The following RALGAPA2 variants were observed in gnomAD, a reference collection of about 807,000 sequenced individuals.
RALGAPA2 encodes the protein Ral GTPase activating protein catalytic subunit alpha 2.
Under a neutral mutation model 230.4 loss-of-function variants are expected in RALGAPA2, and 139 were observed. The observed-to-expected ratio is 0.60, with a 90% CI of 0.53 to 0.69. The LOEUF (loss-of-function observed/expected upper bound fraction) is 0.69, where lower values mean the gene tolerates loss of function less well. RALGAPA2 is among the 30% of genes least tolerant of loss of function. The pLI, the probability that RALGAPA2 is intolerant of heterozygous loss-of-function variation, is 0.00. For missense variants in RALGAPA2, 2,163 were observed against 2,276.0 expected (o/e 0.95, Z 1.01); for synonymous variants, 847 against 837.8 (o/e 1.01, Z -0.19).
At position 20,625,174 on chromosome 20, in the gene RALGAPA2, G is replaced by T. The variant is rs191054495; in HGVS notation, c.1233+4189C>A. The stretch of plus-strand genomic sequence containing the variant: ...TTCTACACCTGCCTGCCAGTTTGCT[G>T]ATGTCTATCAGTTCACCTGTACACC... On this transcript the variant is annotated intron_variant, in intron 10 of 39. Coordinates refer to ENST00000202677, the MANE Select transcript of RALGAPA2 (RefSeq NM_020343.4). Among the ~76,000 whole-genome samples, 361 of 152,210 alleles carry T rather than the reference G, an allele frequency of 2.4e-3. 1 individual carries two copies. The highest frequency in any genetic ancestry group is 8.2e-3 in the African/African-American group (339 of 41,520).
intron 36 of RALGAPA2, among the ~76,000 whole-genome samples, chr20:20,479,680 A>C (rs569635490): frequency 3.3e-5 from 5 of 152,352 alleles, no homozygotes; most frequent in Admixed American, 2.6e-4. Context: ...CTAAATGGTG[A>C]AACATTGAGA....
In RALGAPA2 at chr20:20,428,933, T is replaced by C. The variant is rs775516502; in HGVS notation, c.5496-16785A>G. 2.6e-5 allele frequency among the ~76,000 whole-genome samples: 4 copies of C among 152,288 alleles called. No homozygotes were observed. In the South Asian group the frequency reaches 6.2e-4, roughly 24 times the overall value. ...TATTCAAATGTTGTACTGAGTATTA[T>C]AGTATATTGGAGGATTCTAAAACCC... On this transcript the variant is annotated intron_variant, in intron 37 of 39. Coordinates refer to ENST00000202677, the MANE Select transcript of RALGAPA2 (RefSeq NM_020343.4).
intron 13 of RALGAPA2, among the ~76,000 whole-genome samples, chr20:20,613,598 C>T (rs1356551523): frequency 2.0e-5 from 3 of 152,182 alleles, no homozygotes; most frequent in Non-Finnish European, 1.5e-5. Context: ...AACCTGGCCC[C>T]GGCCTGCCCC....
At chr20:20,555,862 T>A (rs539453475) in intron 23 of RALGAPA2, among the ~76,000 whole-genome samples, 24 of 152,336 alleles carry the variant, frequency 1.6e-4, no homozygotes, top group Admixed American at 1.4e-3. Context: ...AATATACATA[T>A]CTTTCATTTT....
At chr20:20,658,799 C>T (rs1913515870) in intron 3 of RALGAPA2, among the ~76,000 whole-genome samples, 1 of 152,196 alleles carries the variant, frequency 6.6e-6, no homozygotes, top group East Asian at 1.9e-4. Context: ...TTTATAACTG[C>T]TGGTCTTCTG....
At chr20:20,597,227 A>T (rs998616147) in intron 16 of RALGAPA2, among the ~76,000 whole-genome samples, 3 of 152,210 alleles carry the variant, frequency 2.0e-5, no homozygotes, top group Non-Finnish European at 4.4e-5. Flanking sequence ...TGTATTAGCC[A>T]AACAGGGGGT....
At chr20:20,404,722 G>A (rs1302756660) in intron 38 of RALGAPA2, among the ~76,000 whole-genome samples, 7 of 152,156 alleles carry the variant, frequency 4.6e-5, no homozygotes, top group Admixed American at 6.5e-5. Flanking sequence ...CTGCTAAAGC[G>A]TCCCCTGAGC....
intron 23 of RALGAPA2, among the ~76,000 whole-genome samples, chr20:20,557,271 T>C (rs1472683512): frequency 6.6e-6 from 1 of 151,936 alleles, no homozygotes; most frequent in African/African-American, 2.4e-5. Context: ...ATCGTGCCAC[T>C]GCACTCCAGC....
At chr20:20,545,600 T>C (rs1435776714) in intron 24 of RALGAPA2, among the ~76,000 whole-genome samples, 2 of 152,228 alleles carry the variant, frequency 1.3e-5, no homozygotes, top group African/African-American at 4.8e-5. Context: ...ATTTAGGTTG[T>C]TGGATGGCAA....
intron 35 of RALGAPA2, among the ~76,000 whole-genome samples, chr20:20,499,452 A>G (rs955289984): frequency 3.3e-5 from 5 of 152,238 alleles, no homozygotes; most frequent in African/African-American, 1.2e-4. Flanking sequence ...ACATTTGCAA[A>G]GCAGAAACAA....
intron 37 of RALGAPA2, among the ~76,000 whole-genome samples, chr20:20,438,773 T>C (rs2060669713): frequency 6.6e-6 from 1 of 152,224 alleles, no homozygotes; most frequent in Non-Finnish European, 1.5e-5. Context: ...GACGGACTAA[T>C]TATTTATATA....
intron 1 of RALGAPA2, among the ~76,000 whole-genome samples, chr20:20,689,459 T>C (rs918451551): frequency 2.6e-5 from 4 of 151,988 alleles, no homozygotes; most frequent in Non-Finnish European, 5.9e-5. Context: ...CTGGCCAACA[T>C]GGTGAAACCC....
chr20:20,662,764 G>C (rs2067825464), intron 3 of RALGAPA2, among the ~76,000 whole-genome samples: 1 of 152,154 alleles, frequency 6.6e-6, no homozygotes, highest in Admixed American at 6.5e-5. Flanking sequence ...AGCCCTAAGA[G>C]GGAAAAGGTG....
intron 9 of RALGAPA2, among the ~76,000 whole-genome samples, chr20:20,632,251 C>T (rs983377200): frequency 6.6e-6 from 1 of 151,950 alleles, no homozygotes; most frequent in African/African-American, 2.4e-5. Flanking sequence ...AGGATGGTCT[C>T]GATCTCCTGA....
intron 3 of RALGAPA2, among the ~76,000 whole-genome samples, chr20:20,666,588 TG>T (rs2067962474): frequency 6.6e-6 from 1 of 152,166 alleles, no homozygotes; most frequent in African/African-American, 2.4e-5. Context: ...CACGGAAGGA[TG>T]GCTGCACACT....
chr20:20,556,139 T>C lies in RALGAPA2; in HGVS notation c.3157-9307A>G, dbSNP rs1602774653. Among the ~76,000 whole-genome samples, 4 of 152,334 alleles carry C rather than the reference T, an allele frequency of 2.6e-5. No homozygotes were observed. The South Asian group carries it at 8.3e-4, about 32-fold the overall frequency. ...AGCAAATGAGTGCTTTCTGCAAGGATGCTCAGGGTGCTGTGAGATCAGGGC... is the reference window on the plus strand; with the variant it reads ...AGCAAATGAGTGCTTTCTGCAAGGACGCTCAGGGTGCTGTGAGATCAGGGC... On this transcript the variant is annotated intron_variant, in intron 23 of 39. Transcript: ENST00000202677.
At chr20:20,561,602 A>AC (rs2064260115) in intron 23 of RALGAPA2, among the ~76,000 whole-genome samples, 1 of 152,154 alleles carries the variant, frequency 6.6e-6, no homozygotes, top group Non-Finnish European at 1.5e-5. Context: ...ATGAAATTGT[A>AC]CCCCCTTTTT....
intron 20 of RALGAPA2, 73 bp downstream of exon 20, chr20:20,582,977 A>G (rs1362572970): frequency 2.7e-6 from 4 of 1,491,970 alleles, no homozygotes; most frequent in Admixed American, 1.8e-5. Flanking sequence ...CCCTCTGTAT[A>G]CAAGACTCCA....
chr20:20,571,565 T>C lies in RALGAPA2; in HGVS notation c.3049A>G (p.Arg1017Gly). Residue 1017 changes from arginine (R) to glycine (G), a missense_variant, in exon 23 of 40, where the codon AGG becomes GGG. By Grantham distance (125) the Arg-to-Gly change is moderately radical. Transcript: ENST00000202677. ...CTGGTCATCATGGCACAGATCAGCC[T>C]GTAGGCTTGTAGTTTGCCTTCCTTA... ...EYKEGKLQAY[R>G]LICAMMTRRQ... 3 of 1,612,048 alleles carry C rather than the reference T, an allele frequency of 1.9e-6. No homozygotes were observed. The highest frequency in any genetic ancestry group is 2.2e-5 in the South Asian group (2 of 90,562).
Sources: gnomAD v4.1 joint callset for allele counts (sites outside exome capture counted in the v4.1 genomes callset) on GRCh38, gnomAD v4.1.1 for gene constraint, MANE v1.5 for transcripts, NCBI Gene and HGNC (gene_info 2026-07-23, HGNC 2026-07-21) for gene names.